Variants in PLAT observed in about 807,000 individuals in gnomAD.
PLAT encodes the protein plasminogen activator, tissue type.
A neutral mutation model predicts 74.9 loss-of-function variants in PLAT; 48 were observed. The observed-to-expected ratio is 0.64, with a 90% CI of 0.51 to 0.82. The LOEUF (loss-of-function observed/expected upper bound fraction) is 0.82, where lower values mean the gene tolerates loss of function less well. Among genes scored for constraint, PLAT ranks in the 40% least tolerant of loss-of-function variants. The pLI is 0.00. For synonymous variants in PLAT, 307 were observed against 294.4 expected (o/e 1.04, Z -0.44); for missense variants, 673 against 736.2 (o/e 0.91, Z 0.99).
At chr8:42,193,992 G>A (rs1206157483) in intron 1 of PLAT, among the ~76,000 whole-genome samples, 1 of 135,720 alleles carries the variant, frequency 7.4e-6, no homozygotes, top group Non-Finnish European at 1.6e-5. Flanking sequence ...GGGATTACAG[G>A]CGTGAGCCAC....
chr8:42,179,153 C>T (rs1426518417), intron 12 of PLAT, 90 bp from the exon 13 acceptor site: 1 of 846,660 alleles, frequency 1.2e-6, no homozygotes, highest in East Asian at 2.5e-5. Flanking sequence ...TAATAGCTAA[C>T]ATTGATCAAG....
intron 1 of PLAT, among the ~76,000 whole-genome samples, chr8:42,206,010 A>G (rs1806317116): frequency 6.6e-6 from 1 of 152,182 alleles, no homozygotes; most frequent in Non-Finnish European, 1.5e-5. Flanking sequence ...TCAAAAACCA[A>G]CAAAGGGGAA....
intron 2 of PLAT, among the ~76,000 whole-genome samples, chr8:42,191,641 T>C (rs1397144273): frequency 2.0e-5 from 3 of 152,118 alleles, no homozygotes; most frequent in African/African-American, 7.2e-5. Flanking sequence ...GGTGGAAATG[T>C]TTTCTGTCTG....
At chr8:42,206,711 GAA>G (rs1490222308) in intron 1 of PLAT, 2 of 152,172 alleles carry the variant, frequency 1.3e-5, no homozygotes, top group African/African-American at 4.8e-5. Context: ...GTGAGGTTAA[GAA>G]AATAAAGATA....
chr8:42,182,484 T>G, intron 8 of PLAT: 1 of 409,754 alleles, frequency 2.4e-6, no homozygotes, highest in Non-Finnish European at 4.4e-6. Context: ...AGCTGAGGAC[T>G]AAATGGTTAC....
At position 42,182,875 on chromosome 8, in the gene PLAT, T is replaced by C; in HGVS notation, c.647A>G (p.Tyr216Cys). The C allele has an allele frequency of 6.2e-7, 1 of 1,604,326 alleles. No individual in the cohort carries two copies. Among genetic ancestry groups the C allele is most frequent in the East Asian group, 2.2e-5 (1 of 44,820 alleles). The change falls in exon 8 of 14, where the codon TAC becomes TGC. Residue 216 changes from tyrosine (Y) to cysteine (C), a missense_variant. Coordinates refer to ENST00000220809, the MANE Select transcript of PLAT (RefSeq NM_000930.5). ...PACSEGNSDC[Y>C]FGNGSAYRGT... The stretch of plus-strand genomic sequence containing the variant: ...ACGGTAGGCTGACCCATTCCCAAAG[T>C]AGCAGTCACTGTTTCCTAGAAGAAA...
chr8:42,191,559 T>A, intron 2 of PLAT, 145 bp from the exon 3 acceptor site: 1 of 702,800 alleles, frequency 1.4e-6, no homozygotes. Flanking sequence ...CAAGTGAAAG[T>A]CCATCTCCTG....
chr8:42,182,563 A>G, intron 8 of PLAT, 156 bp downstream of exon 8: 3 of 589,512 alleles, frequency 5.1e-6, no homozygotes, highest in Non-Finnish European at 8.8e-6. Flanking sequence ...AATATGTGTT[A>G]TTCTAGCAAG....
rs370013834 is a variant in PLAT, at chr8:42,182,701, C to T, written c.803+18G>A. The T allele has an allele frequency of 1.0e-5, 16 of 1,584,426 alleles. No individual in the cohort carries two copies. In the African/African-American group the frequency reaches 1.2e-4, roughly 12 times the overall value. On this transcript the variant is annotated intron_variant, in intron 8 of 13. Coordinates refer to ENST00000220809, the MANE Select transcript of PLAT (RefSeq NM_000930.5). ...ACGTTCTGCCAAGACCTGAACCCCC[C>T]ACCCCTGTGCTACCTACCGGCAGTA... is the stretch of plus-strand genomic sequence containing the variant.
intron 1 of PLAT, among the ~76,000 whole-genome samples, chr8:42,205,195 A>T (rs150961192): frequency 5.3e-5 from 8 of 152,296 alleles, no homozygotes; most frequent in African/African-American, 1.9e-4. Flanking sequence ...AGACAAACGC[A>T]TATCTGATTG....
In PLAT at chr8:42,201,681, C is replaced by CT. The variant is rs138947417; in HGVS notation, c.-27+5812dup. 3.5e-3 allele frequency among the ~76,000 whole-genome samples: 538 copies of CT among 152,272 alleles called. 6 individuals carry two copies. Among genetic ancestry groups the CT allele is most frequent in the African/African-American group, 0.013 (522 of 41,546 alleles). On this transcript the variant is annotated intron_variant, in intron 1 of 13. Coordinates refer to ENST00000220809, the MANE Select transcript of PLAT (RefSeq NM_000930.5). The stretch of plus-strand genomic sequence containing the variant: ...TGTCTTTAATCTGGTTTTTAATCTG[C>CT]TTTTTTATTTGCCTTTCCCACACCA...
Position 42,187,980 on chromosome 8 carries a change from C to G in PLAT, c.290G>C (p.Cys97Ser). ...ATCTGAGAAGTACAGGGCCTGCTGGCAGGTGCCCCCGTTGAAACACCTTGG... is the reference window on the plus strand; with the variant it reads ...ATCTGAGAAGTACAGGGCCTGCTGGGAGGTGCCCCCGTTGAAACACCTTGG... The part of the protein sequence containing the change: ...SEPRCFNGGT[C>S]QQALYFSDFV... Residue 97 changes from cysteine to serine, a missense_variant, in exon 5 of 14, where the codon TGC becomes TCC. Coordinates refer to ENST00000220809, the MANE Select transcript of PLAT (RefSeq NM_000930.5). The G allele has an allele frequency of 6.2e-7, 1 of 1,613,750 alleles. No homozygotes were observed. The highest frequency in any genetic ancestry group is 8.5e-7 in the Non-Finnish European group (1 of 1,179,674).
intron 9 of PLAT, among the ~76,000 whole-genome samples, chr8:42,181,202 C>T (rs1050484547): frequency 6.6e-6 from 1 of 152,220 alleles, no homozygotes; most frequent in Non-Finnish European, 1.5e-5. Flanking sequence ...TGGTCTGTGT[C>T]TCATCGTCCC....
At chr8:42,178,539 G>T (rs1805070151) in intron 13 of PLAT, among the ~76,000 whole-genome samples, 1 of 152,084 alleles carries the variant, frequency 6.6e-6, no homozygotes, top group Admixed American at 6.5e-5. Flanking sequence ...CAAAGTGCTG[G>T]GATTACAGGC....
At chr8:42,182,987 G>A (rs753169890) in intron 7 of PLAT, 97 bp from the exon 8 acceptor site, 47 of 928,584 alleles carry the variant, frequency 5.1e-5, no homozygotes, top group Admixed American at 3.7e-4. Flanking sequence ...CGAGGAAGCT[G>A]GAGGCCGCTA....
At chr8:42,194,054 T>TTC (rs1805801009) in intron 1 of PLAT, among the ~76,000 whole-genome samples, 1 of 126,412 alleles carries the variant, frequency 7.9e-6, no homozygotes, top group African/African-American at 3.1e-5. Flanking sequence ...TTCTTTCTTT[T>TTC]TTTTTTTTTT....
At chr8:42,204,801 C>T (rs561617687) in intron 1 of PLAT, among the ~76,000 whole-genome samples, 12 of 150,840 alleles carry the variant, frequency 8.0e-5, no homozygotes, top group Non-Finnish European at 8.9e-5. Flanking sequence ...GGGCAGATCA[C>T]GAGGTCAGGA....
intron 7 of PLAT, among the ~76,000 whole-genome samples, chr8:42,183,644 A>G (rs1018553729): frequency 6.6e-6 from 1 of 152,000 alleles, no homozygotes; most frequent in African/African-American, 2.4e-5. Flanking sequence ...GCCTGTTTTC[A>G]TTTATTTCCC....
chr8:42,191,320 C>T, intron 3 of PLAT, 52 bp downstream of exon 3: 1 of 1,518,216 alleles, frequency 6.6e-7, no homozygotes, highest in South Asian at 1.1e-5. Context: ...ACCCTGCACC[C>T]CGCCCTGCCT....
Sources: gnomAD v4.1 joint callset for allele counts (sites outside exome capture counted in the v4.1 genomes callset) on GRCh38, gnomAD v4.1.1 for gene constraint, MANE v1.5 for transcripts, NCBI Gene and HGNC (gene_info 2026-07-23, HGNC 2026-07-21) for gene names.